Variants in CLEC17A observed in about 807,000 individuals in gnomAD.
The protein encoded by CLEC17A is C-type lectin domain containing 17A, also known as C-type lectin domain family 17, member A.
In CLEC17A, 37 loss-of-function variants were observed where a neutral mutation model predicts 61.3. That is an observed-to-expected ratio of 0.60 (90% CI 0.46 to 0.79). The LOEUF (loss-of-function observed/expected upper bound fraction) is 0.79. CLEC17A is among the 30% of genes least tolerant of loss of function. CLEC17A has a pLI of 0.00. For synonymous variants in CLEC17A, 168 were observed against 164.9 expected, an observed-to-expected ratio of 1.02 and a Z score of -0.14; for missense variants, 418 against 464.7, an observed-to-expected ratio of 0.90 and a Z score of 0.92.
At position 14,607,427 on chromosome 19, in the gene CLEC17A, T is replaced by A. The variant is rs1038264497; in HGVS notation, c.1004+325T>A. On this transcript the variant is annotated intron_variant, in intron 13 of 13. Transcript: ENST00000417570. ...ACCGTGTTAGCCAGGATGGTCTTGA[T>A]CTCCTGACCTCGTGATCTGCCCGCC... Among the ~76,000 whole-genome samples, 17 of 151,654 alleles carry A rather than the reference T, an allele frequency of 1.1e-4. No homozygotes were observed. In the East Asian group the frequency reaches 3.3e-3, roughly 29 times the overall value.
At chr19:14,600,594 T>G (rs908252740) in intron 12 of CLEC17A, among the ~76,000 whole-genome samples, 3 of 151,988 alleles carry the variant, frequency 2.0e-5, no homozygotes, top group African/African-American at 7.3e-5. Context: ...TTTCTTTTTT[T>G]TTTTTGAGAT....
At chr19:14,589,738 G>C (rs1373034230) in intron 3 of CLEC17A, among the ~76,000 whole-genome samples, 1 of 151,916 alleles carries the variant, frequency 6.6e-6, no homozygotes, top group African/African-American at 2.4e-5. Context: ...CCCTTGTGTA[G>C]TCTCTTCCCA....
At chr19:14,582,216 T>A (rs186041707), upstream of CLEC17A, among the ~76,000 whole-genome samples, 1 of 95,418 alleles carries the variant, frequency 1.0e-5, no homozygotes, top group Non-Finnish European at 2.0e-5. Flanking sequence ...TGTAATGCCA[T>A]TTTTTTTTTT....
Position 14,592,403 on chromosome 19 carries a change from A to G in CLEC17A, c.277+45A>G, listed in dbSNP as rs530222252. ...TGTGACCTGGGGGAATACAGGGAAC[A>G]GGGTTTCCAGGAGGCATTGGCTGGG... On this transcript the variant is annotated intron_variant, in intron 4 of 13. Transcript: ENST00000417570. 69 of 1,610,362 alleles carry G rather than the reference A, an allele frequency of 4.3e-5. No homozygotes were observed. The African/African-American group carries it at 5.7e-4, about 13-fold the overall frequency.
intron 13 of CLEC17A, 56 bp from the exon 14 acceptor site, chr19:14,610,008 A>C: frequency 9.3e-6 from 12 of 1,295,948 alleles, no homozygotes; most frequent in South Asian, 1.2e-5. Flanking sequence ...ATTATACAGA[A>C]GAGTTTCACC....
chr19:14,598,949 CTA>C (rs146187802), intron 10 of CLEC17A, among the ~76,000 whole-genome samples: 2,816 of 151,892 alleles, frequency 0.019, 35 homozygotes, highest in Non-Finnish European at 0.029. Flanking sequence ...AGGACTGTGT[CTA>C]AAAAAAATAA....
chr19:14,600,418 G>A (rs1473821983), intron 12 of CLEC17A, among the ~76,000 whole-genome samples: 2 of 152,116 alleles, frequency 1.3e-5, no homozygotes, highest in South Asian at 4.2e-4. Flanking sequence ...TTCAAGTATC[G>A]GTTTTATCTC....
chr19:14,594,250 C>G (rs1741820058), intron 4 of CLEC17A, among the ~76,000 whole-genome samples: 1 of 151,988 alleles, frequency 6.6e-6, no homozygotes, highest in South Asian at 2.1e-4. Context: ...GCACTCCAGT[C>G]TGAGCAACAG....
intron 12 of CLEC17A, among the ~76,000 whole-genome samples, chr19:14,600,573 A>ATTTCT (rs1275201781): frequency 1.3e-5 from 2 of 150,906 alleles, no homozygotes. Context: ...GGAAGAGTTT[A>ATTTCT]TTTCTTTTCT....
chr19:14,608,961 G>T (rs965041278), intron 13 of CLEC17A, among the ~76,000 whole-genome samples: 1 of 151,948 alleles, frequency 6.6e-6, no homozygotes, highest in African/African-American at 2.4e-5. Flanking sequence ...CACCATGCTT[G>T]GTTAATTTTT....
At chr19:14,583,886 A>C (rs2146656508) in intron 2 of CLEC17A, among the ~76,000 whole-genome samples, 1 of 152,122 alleles carries the variant, frequency 6.6e-6, no homozygotes, top group African/African-American at 2.4e-5. Context: ...TTGGATCTCA[A>C]ACCCAAGGCA....
At chr19:14,606,876 C>T (rs2074891306) in intron 12 of CLEC17A, 117 bp from the exon 13 acceptor site, 4 of 371,454 alleles carry the variant, frequency 1.1e-5, no homozygotes, top group South Asian at 1.3e-4. Flanking sequence ...GGGACGGGGA[C>T]GGGTTGTGGG....
intron 3 of CLEC17A, among the ~76,000 whole-genome samples, 182 bp downstream of exon 3, chr19:14,587,873 A>C (rs1209901073): frequency 6.6e-6 from 1 of 152,134 alleles, no homozygotes; most frequent in Admixed American, 6.6e-5. Flanking sequence ...AGGATTGGGC[A>C]CAGTCTTGGT....
chr19:14,591,224 G>T (rs909380473), intron 3 of CLEC17A, among the ~76,000 whole-genome samples: 9 of 150,410 alleles, frequency 6.0e-5, no homozygotes, highest in African/African-American at 2.2e-4. Flanking sequence ...GCGCGATCTC[G>T]GCTCACTGCA....
At position 14,604,847 on chromosome 19, in the gene CLEC17A, C is replaced by A. The variant is rs1705631202; in HGVS notation, c.895-2146C>A. Among the ~76,000 whole-genome samples the A allele has an allele frequency of 2.0e-5, 3 of 152,054 alleles. 1 individual carries two copies. In the South Asian group the frequency reaches 6.2e-4, roughly 32 times the overall value. On this transcript the variant is annotated intron_variant, in intron 12 of 13. Transcript: ENST00000417570. ...ACTGCAAATAAATAAAAGCAAACAT[C>A]AATTGGCATTGCCTATAGTAGAACA...
chr19:14,607,490 A>C (rs1038213621), intron 13 of CLEC17A, among the ~76,000 whole-genome samples: 69 of 151,682 alleles, frequency 4.5e-4, no homozygotes, highest in Non-Finnish European at 8.4e-4. Context: ...GGCGTGAGCC[A>C]CCGCGCCCGG....
intron 2 of CLEC17A, among the ~76,000 whole-genome samples, chr19:14,586,227 G>A (rs1449015161): frequency 6.6e-6 from 1 of 151,294 alleles, no homozygotes; most frequent in African/African-American, 2.4e-5. Flanking sequence ...CCGGGTTCAA[G>A]TGATTCTCCT....
At chr19:14,607,565 AT>A (rs1443511394) in intron 13 of CLEC17A, among the ~76,000 whole-genome samples, 1 of 147,404 alleles carries the variant, frequency 6.8e-6, no homozygotes, top group Non-Finnish European at 1.5e-5. Context: ...TTATTTATTT[AT>A]TTATTTATTT....
intron 8 of CLEC17A, among the ~76,000 whole-genome samples, chr19:14,595,987 G>T (rs374584573): frequency 1.5e-3 from 1 of 682 alleles, no homozygotes; most frequent in Non-Finnish European, 3.0e-3. Context: ...TGTTGGTAGA[G>T]ATGATGGTGG....
Sources: gnomAD v4.1 joint callset for allele counts (sites outside exome capture counted in the v4.1 genomes callset) on GRCh38, gnomAD v4.1.1 for gene constraint, MANE v1.5 for transcripts, NCBI Gene and HGNC (gene_info 2026-07-23, HGNC 2026-07-21) for gene names.